Variants in UIMC1 observed in about 807,000 individuals in gnomAD.
The protein encoded by UIMC1 is ubiquitin interaction motif containing 1.
A neutral mutation model predicts 84.9 loss-of-function variants in UIMC1; 42 were observed. The observed-to-expected ratio is 0.49, with a 90% CI of 0.39 to 0.64. The LOEUF (loss-of-function observed/expected upper bound fraction) is 0.64, where lower values mean the gene tolerates loss of function less well. Ranked by LOEUF, UIMC1 falls within the 30% of genes least tolerant of loss-of-function variation. The pLI is 0.00. For missense variants in UIMC1, 825 were observed against 847.6 expected, an observed-to-expected ratio of 0.97 and a Z score of 0.33; for synonymous variants, 281 against 293.0, an observed-to-expected ratio of 0.96 and a Z score of 0.42.
chr5:176,994,029 A>G (rs1242429094), intron 1 of UIMC1, among the ~76,000 whole-genome samples: 1 of 151,968 alleles, frequency 6.6e-6, no homozygotes, highest in Non-Finnish European at 1.5e-5. Context: ...AAAAAGAAGA[A>G]AGTATACAAA....
chr5:176,923,229 T>C (rs1221900701), intron 10 of UIMC1, among the ~76,000 whole-genome samples: 5 of 152,198 alleles, frequency 3.3e-5, no homozygotes, highest in Non-Finnish European at 7.3e-5. Context: ...TCAGAATGGA[T>C]AAAAGCATGA....
rs549370641 is a variant in UIMC1, at chr5:176,988,571, A to C, written c.-8-5948T>G. The stretch of plus-strand genomic sequence containing the variant: ...ATATAAGGTTTATTTTGGGGATGAT[A>C]GAAATGTTCTGGAATTAGAAAGTGG... On this transcript the variant is annotated intron_variant, in intron 1 of 14. Transcript: ENST00000511320. Among the ~76,000 whole-genome samples, 395 of 152,258 alleles carry C rather than the reference A, an allele frequency of 2.6e-3. 6 individuals carry two copies. In the South Asian group the frequency reaches 0.038, roughly 15 times the overall value.
chr5:176,921,636 G>C (rs1004753308), intron 10 of UIMC1, among the ~76,000 whole-genome samples: 1 of 152,144 alleles, frequency 6.6e-6, no homozygotes, highest in Admixed American at 6.5e-5. Context: ...AATCCTGTAG[G>C]TTCAACCTTC....
chr5:176,992,056 G>A (rs1436761553), intron 1 of UIMC1, among the ~76,000 whole-genome samples: 1 of 151,942 alleles, frequency 6.6e-6, no homozygotes, highest in Non-Finnish European at 1.5e-5. Flanking sequence ...TAGGGAGGTG[G>A]AGGCTGCATT....
intron 11 of UIMC1, among the ~76,000 whole-genome samples, chr5:176,909,149 G>C (rs2149387684): frequency 6.6e-6 from 1 of 152,320 alleles, no homozygotes; most frequent in Non-Finnish European, 1.5e-5. Flanking sequence ...AATCAAGTCT[G>C]TCTATATGCT....
At chr5:177,012,022 G>A (rs756601637) in intron 1 of UIMC1, among the ~76,000 whole-genome samples, 2 of 152,046 alleles carry the variant, frequency 1.3e-5, no homozygotes, top group East Asian at 1.9e-4. Flanking sequence ...GGATAGTCTC[G>A]ATCTCCTGAC....
intron 1 of UIMC1, among the ~76,000 whole-genome samples, chr5:176,990,260 T>C (rs1772629674): frequency 6.6e-6 from 1 of 151,672 alleles, no homozygotes; most frequent in African/African-American, 2.4e-5. Flanking sequence ...ATGGGACTAG[T>C]GCCCTTATAA....
intron 6 of UIMC1, among the ~76,000 whole-genome samples, chr5:176,963,226 A>G (rs1006273608): frequency 7.9e-5 from 12 of 151,800 alleles, no homozygotes; most frequent in African/African-American, 2.9e-4. Flanking sequence ...TTAATACTTA[A>G]AAGTGAAAAT....
At chr5:176,932,856 T>C (rs1763280086) in intron 10 of UIMC1, among the ~76,000 whole-genome samples, 1 of 143,258 alleles carries the variant, frequency 7.0e-6, no homozygotes, top group African/African-American at 2.8e-5. Context: ...GCAATAGCAA[T>C]GCTTTTTTTT....
chr5:176,950,504 A>C (rs562943378), intron 9 of UIMC1, among the ~76,000 whole-genome samples: 1 of 152,296 alleles, frequency 6.6e-6, no homozygotes, highest in Admixed American at 6.5e-5. Flanking sequence ...TTGTGACAGC[A>C]ACAGATTTTT....
At chr5:176,966,865 A>G (rs1264928089) in intron 6 of UIMC1, among the ~76,000 whole-genome samples, 1 of 152,224 alleles carries the variant, frequency 6.6e-6, no homozygotes, top group Non-Finnish European at 1.5e-5. Flanking sequence ...TAGATTATCA[A>G]AAGAAAAAAT....
At chr5:177,007,081 C>T (rs989522019), upstream of UIMC1, among the ~76,000 whole-genome samples, 1 of 152,202 alleles carries the variant, frequency 6.6e-6, no homozygotes, top group African/African-American at 2.4e-5. Context: ...TGGCTCACGC[C>T]TGTAATCCCA....
chr5:176,921,209 C>T (rs1469324163), intron 10 of UIMC1, among the ~76,000 whole-genome samples: 1 of 152,170 alleles, frequency 6.6e-6, no homozygotes, highest in Non-Finnish European at 1.5e-5. Flanking sequence ...CCTCTGCCTT[C>T]CCTCCTATTG....
At chr5:176,927,206 G>GA (rs1220549611) in intron 10 of UIMC1, among the ~76,000 whole-genome samples, 642 of 44,592 alleles carry the variant, frequency 0.014, 4 homozygotes, top group Middle Eastern at 0.025. Context: ...CTTTAAAAAA[G>GA]AAAAAAAAAA....
chr5:177,019,981 G>A (rs1243950804), intron 1 of UIMC1, among the ~76,000 whole-genome samples: 1 of 152,014 alleles, frequency 6.6e-6, no homozygotes, highest in Admixed American at 6.6e-5. Flanking sequence ...CTACTGTATT[G>A]GAAGCTTGGA....
At chr5:176,909,719 CA>C (rs946542904) in intron 11 of UIMC1, among the ~76,000 whole-genome samples, 2 of 152,140 alleles carry the variant, frequency 1.3e-5, no homozygotes, top group African/African-American at 4.8e-5. Flanking sequence ...AGAATGCAAG[CA>C]AAATGCTGCC....
At chr5:177,012,485 G>T (rs902469055) in intron 1 of UIMC1, among the ~76,000 whole-genome samples, 1 of 152,048 alleles carries the variant, frequency 6.6e-6, no homozygotes, top group African/African-American at 2.4e-5. Flanking sequence ...TTGAGGCCAG[G>T]GGTTCGTGAC....
At chr5:177,011,308 G>T (rs1775544271), upstream of UIMC1, among the ~76,000 whole-genome samples, 1 of 152,186 alleles carries the variant, frequency 6.6e-6, no homozygotes, top group Non-Finnish European at 1.5e-5. Context: ...AGGAGACTGA[G>T]GTGAGAGGAT....
chr5:176,942,346 G>T (rs1485222179), intron 10 of UIMC1, among the ~76,000 whole-genome samples: 1 of 152,178 alleles, frequency 6.6e-6, no homozygotes, highest in African/African-American at 2.4e-5. Flanking sequence ...AAGTTCCACA[G>T]GAATCTCAAT....
Sources: gnomAD v4.1 joint callset for allele counts (sites outside exome capture counted in the v4.1 genomes callset) on GRCh38, gnomAD v4.1.1 for gene constraint, MANE v1.5 for transcripts, NCBI Gene and HGNC (gene_info 2026-07-23, HGNC 2026-07-21) for gene names.